The following C10orf90 variants were observed in gnomAD, a reference collection of about 807,000 sequenced individuals.
C10orf90 encodes chromosome 10 open reading frame 90.
In C10orf90, 56 loss-of-function variants were observed where a neutral mutation model predicts 62.5. The ratio of observed to expected loss-of-function variants is 0.90; its 90% CI spans 0.72 to 1.12. The LOEUF is 1.12. Ranked by LOEUF, C10orf90 falls within the 50% of genes most tolerant of loss-of-function variation. The pLI is 0.00. For synonymous variants in C10orf90, 386 were observed against 340.4 expected (o/e 1.13, Z -1.47); for missense variants, 970 against 880.4 (o/e 1.10, Z -1.29).
intron 2 of C10orf90, among the ~76,000 whole-genome samples, chr10:126,523,991 C>T (rs993039766): frequency 3.4e-4 from 52 of 152,294 alleles, no homozygotes; most frequent in Admixed American, 3.9e-4. Flanking sequence ...CACTAGTCAC[C>T]GCTTAGCTAT....
rs533318669 is a variant in C10orf90, at chr10:126,550,634, C to G, written c.314-36695G>C. On this transcript the variant is annotated intron_variant, in intron 2 of 9. Coordinates refer to ENST00000488181, the MANE Select transcript of C10orf90 (RefSeq NM_001350921.2). ...AAGGAATCCTCCCTTCTCAGCCTCC[C>G]TAGTAGCTGGGATTACAGGTGTGTG... 4.7e-4 allele frequency among the ~76,000 whole-genome samples: 71 copies of G among 152,128 alleles called. 1 individual carries two copies. Among genetic ancestry groups the G allele is most frequent in the African/African-American group, 1.7e-3 (71 of 41,502 alleles).
intron 2 of C10orf90, among the ~76,000 whole-genome samples, chr10:126,544,709 T>A (rs976645458): frequency 6.6e-6 from 1 of 152,122 alleles, no homozygotes; most frequent in Non-Finnish European, 1.5e-5. Flanking sequence ...GCAGAATTGA[T>A]TTTTCTTAAG....
At chr10:126,556,353 C>T (rs1366532756) in intron 2 of C10orf90, among the ~76,000 whole-genome samples, 5 of 152,180 alleles carry the variant, frequency 3.3e-5, no homozygotes, top group Non-Finnish European at 2.9e-5. Flanking sequence ...CTTCTCCCTC[C>T]ACGTTTAAAT....
At chr10:126,585,099 T>C (rs1456779339) in intron 2 of C10orf90, among the ~76,000 whole-genome samples, 1 of 151,900 alleles carries the variant, frequency 6.6e-6, no homozygotes, top group African/African-American at 2.4e-5. Context: ...AGACAGGAAT[T>C]CCTGCTGGGA....
intron 2 of C10orf90, among the ~76,000 whole-genome samples, chr10:126,625,662 T>C (rs2133821854): frequency 6.6e-6 from 1 of 152,302 alleles, no homozygotes; most frequent in Admixed American, 6.5e-5. Flanking sequence ...TTTCTAAAGG[T>C]ATCAAGGCCT....
At chr10:126,591,083 C>T (rs951553079) in intron 2 of C10orf90, among the ~76,000 whole-genome samples, 2 of 152,026 alleles carry the variant, frequency 1.3e-5, no homozygotes, top group Non-Finnish European at 2.9e-5. Context: ...CAGCCCAGGA[C>T]CAGATGGATT....
At chr10:126,502,629 A>T in intron 4 of C10orf90, 1 of 293,626 alleles carries the variant, frequency 3.4e-6, no homozygotes, top group Non-Finnish European at 6.8e-6. Flanking sequence ...TATAAATCCA[A>T]ATTATTATTT....
intron 4 of C10orf90, among the ~76,000 whole-genome samples, chr10:126,482,730 A>G (rs1162526343): frequency 6.6e-6 from 1 of 152,228 alleles, no homozygotes; most frequent in Admixed American, 6.5e-5. Context: ...GGAAGGAAGC[A>G]GCAGATCAGC....
At chr10:126,559,910 T>G (rs1489292080) in intron 2 of C10orf90, among the ~76,000 whole-genome samples, 5 of 151,846 alleles carry the variant, frequency 3.3e-5, no homozygotes, top group South Asian at 4.2e-4. Flanking sequence ...CCCTCAAGAG[T>G]TTCAGAGAAA....
At chr10:126,510,228 G>A (rs1863020244) in intron 3 of C10orf90, among the ~76,000 whole-genome samples, 1 of 152,156 alleles carries the variant, frequency 6.6e-6, no homozygotes, top group Admixed American at 6.5e-5. Flanking sequence ...TGGGGGTAGT[G>A]GGGGATGCAA....
At chr10:126,555,842 T>A (rs1466609909) in intron 2 of C10orf90, among the ~76,000 whole-genome samples, 2 of 151,740 alleles carry the variant, frequency 1.3e-5, no homozygotes, top group East Asian at 3.9e-4. Context: ...TCTCTCCACA[T>A]GAATGGTTAA....
intron 2 of C10orf90, among the ~76,000 whole-genome samples, chr10:126,527,681 C>T (rs1863986665): frequency 6.6e-6 from 1 of 152,170 alleles, no homozygotes; most frequent in South Asian, 2.1e-4. Flanking sequence ...CCTCAGCTTC[C>T]CCATCTGCGA....
At chr10:126,447,580 T>A (rs1317599514) in intron 7 of C10orf90, among the ~76,000 whole-genome samples, 2 of 152,016 alleles carry the variant, frequency 1.3e-5, no homozygotes. Context: ...AATACAATAG[T>A]AGTGGAAGGC....
At chr10:126,535,132 T>TAC (rs1161252651) in intron 2 of C10orf90, among the ~76,000 whole-genome samples, 1 of 152,132 alleles carries the variant, frequency 6.6e-6, no homozygotes, top group Non-Finnish European at 1.5e-5. Context: ...TATATATACA[T>TAC]ACACACACAC....
chr10:126,528,522 T>C (rs1020734996), intron 2 of C10orf90, among the ~76,000 whole-genome samples: 1 of 152,122 alleles, frequency 6.6e-6, no homozygotes, highest in Admixed American at 6.5e-5. Flanking sequence ...CGAAACTCAT[T>C]TGAGTAAATG....
chr10:126,534,781 A>T (rs2133959795), intron 2 of C10orf90, among the ~76,000 whole-genome samples: 1 of 152,298 alleles, frequency 6.6e-6, no homozygotes, highest in Middle Eastern at 3.4e-3. Context: ...ATGGGGAGCA[A>T]GCGGTGGCTT....
chr10:126,482,221 TA>T (rs1262480808), intron 4 of C10orf90, among the ~76,000 whole-genome samples: 4 of 152,244 alleles, frequency 2.6e-5, no homozygotes, highest in African/African-American at 9.6e-5. Flanking sequence ...TCTTTTGTTA[TA>T]GGGGTATCAG....
chr10:126,511,190 T>G (rs1278439402), intron 3 of C10orf90, among the ~76,000 whole-genome samples: 1 of 152,220 alleles, frequency 6.6e-6, no homozygotes, highest in African/African-American at 2.4e-5. Context: ...TGCTCTGGTA[T>G]GTAGCAACAA....
At chr10:126,670,180 A>G in intron 1 of C10orf90, 61 bp downstream of exon 1, 1 of 438,102 alleles carries the variant, frequency 2.3e-6, no homozygotes, top group South Asian at 1.6e-5. Context: ...CTGATGAGCA[A>G]CACGTCCATC....
Sources: gnomAD v4.1 joint callset for allele counts (sites outside exome capture counted in the v4.1 genomes callset) on GRCh38, gnomAD v4.1.1 for gene constraint, MANE v1.5 for transcripts, NCBI Gene and HGNC (gene_info 2026-07-23, HGNC 2026-07-21) for gene names.